LYPLAL1: variants seen among roughly 807,000 people sequenced by gnomAD.
LYPLAL1 encodes the protein lysophospholipase-like protein 1.
A neutral mutation model predicts 19.7 loss-of-function variants in LYPLAL1; 23 were observed. The observed-to-expected ratio is 1.17, with a 90% CI of 0.84 to 1.65. The LOEUF (loss-of-function observed/expected upper bound fraction) is 1.65. Ranked by LOEUF, LYPLAL1 falls within the 40% of genes most tolerant of loss-of-function variation. The probability of loss-of-function intolerance (pLI) is 0.00; values close to 1 mark genes in which losing one functional copy is unlikely to be tolerated. For synonymous variants in LYPLAL1, 119 were observed against 96.3 expected (o/e 1.24, Z -1.38); for missense variants, 355 against 279.4 (o/e 1.27, Z -1.93).
the LYPLAL1 span, among the ~76,000 whole-genome samples, chr1:219,402,710 A>C: frequency 2.6e-5 from 4 of 152,092 alleles, no homozygotes; most frequent in Non-Finnish European, 4.4e-5. Flanking sequence ...TCATTTGGTA[A>C]GATTAAGAAG....
the LYPLAL1 span, among the ~76,000 whole-genome samples, chr1:219,252,693 T>G: frequency 3.1e-4 from 47 of 152,106 alleles, no homozygotes; most frequent in Non-Finnish European, 5.6e-4. Context: ...ACAATAATTT[T>G]GTTGAGGATT....
intron 3 of LYPLAL1, among the ~76,000 whole-genome samples, chr1:219,202,616 A>G (rs988785664): frequency 1.2e-4 from 18 of 152,236 alleles, no homozygotes; most frequent in Admixed American, 1.2e-3. Flanking sequence ...AATAAAAGAA[A>G]AATGCATTTG....
chr1:219,276,335 G>A, the LYPLAL1 span, among the ~76,000 whole-genome samples: 2 of 151,690 alleles, frequency 1.3e-5, no homozygotes, highest in Non-Finnish European at 2.9e-5. Flanking sequence ...CCTCAAGGCA[G>A]CAGCGGTACA....
At chr1:219,267,673 A>G in the LYPLAL1 span, among the ~76,000 whole-genome samples, 1 of 152,162 alleles carries the variant, frequency 6.6e-6, no homozygotes, top group East Asian at 1.9e-4. Context: ...ATTTGTTCCC[A>G]TTTTACAGAT....
At chr1:219,248,396 A>G in the LYPLAL1 span, among the ~76,000 whole-genome samples, 1 of 152,166 alleles carries the variant, frequency 6.6e-6, no homozygotes, top group Non-Finnish European at 1.5e-5. Flanking sequence ...ATAGAGCTTC[A>G]GGTTTAGATG....
At chr1:219,280,152 T>C in the LYPLAL1 span, among the ~76,000 whole-genome samples, 50 of 152,310 alleles carry the variant, frequency 3.3e-4, no homozygotes, top group African/African-American at 1.1e-3. Flanking sequence ...TCTACTGCAA[T>C]ATGAAGTATG....
the LYPLAL1 span, among the ~76,000 whole-genome samples, chr1:219,365,886 C>A: frequency 6.6e-6 from 1 of 152,040 alleles, no homozygotes; most frequent in South Asian, 2.1e-4. Flanking sequence ...AAACTTTCAG[C>A]CAACATGACT....
the LYPLAL1 span, among the ~76,000 whole-genome samples, chr1:219,376,823 A>ACATACAACAAAT: frequency 2.6e-5 from 4 of 152,184 alleles, no homozygotes; most frequent in African/African-American, 9.6e-5. Flanking sequence ...CAACAACAAA[A>ACATACAACAAAT]CATACAACAA....
At chr1:219,190,489 TAAAAG>T (rs931377215) in intron 2 of LYPLAL1, among the ~76,000 whole-genome samples, 6 of 151,376 alleles carry the variant, frequency 4.0e-5, no homozygotes, top group South Asian at 2.1e-4. Context: ...ACAAAAGTCT[TAAAAG>T]AAAATCTGGG....
chr1:219,174,610 A>G (rs1310272349), intron 1 of LYPLAL1, among the ~76,000 whole-genome samples: 2 of 152,106 alleles, frequency 1.3e-5, no homozygotes, highest in East Asian at 3.9e-4. Flanking sequence ...GGCATCTTCC[A>G]CTACCTGCCC....
chr1:219,250,986 A>G, the LYPLAL1 span, among the ~76,000 whole-genome samples: 1 of 152,072 alleles, frequency 6.6e-6, no homozygotes, highest in East Asian at 1.9e-4. Flanking sequence ...TGGCTTTCCA[A>G]TAATAGCCAT....
chr1:219,386,483 G>T, the LYPLAL1 span, among the ~76,000 whole-genome samples: 2 of 152,140 alleles, frequency 1.3e-5, no homozygotes, highest in Admixed American at 1.3e-4. Context: ...AGTTCTCCCA[G>T]TGGCTCTCTT....
the LYPLAL1 span, among the ~76,000 whole-genome samples, chr1:219,395,314 A>G: frequency 6.6e-6 from 1 of 152,168 alleles, no homozygotes; most frequent in Non-Finnish European, 1.5e-5. Context: ...TCAAATAGCC[A>G]TTCTGACTGG....
At chr1:219,315,253 A>G in the LYPLAL1 span, among the ~76,000 whole-genome samples, 6 of 152,228 alleles carry the variant, frequency 3.9e-5, no homozygotes, top group Non-Finnish European at 7.3e-5. Flanking sequence ...ACAAGAAATT[A>G]ATGTAACATC....
At chr1:219,376,994 G>T in the LYPLAL1 span, among the ~76,000 whole-genome samples, 1 of 152,160 alleles carries the variant, frequency 6.6e-6, no homozygotes, top group South Asian at 2.1e-4. Flanking sequence ...ATACCCCAAA[G>T]AATTGAAGGC....
chr1:219,193,132 T>C lies in LYPLAL1; in HGVS notation c.242T>C (p.Phe81Ser). 1 of 1,610,234 alleles carries C rather than the reference T, an allele frequency of 6.2e-7. No individual in the cohort carries two copies. The highest frequency in any genetic ancestry group is 1.1e-5 in the South Asian group (1 of 90,934). The part of the protein sequence containing the change: ...GGISNVWFDR[F>S]KITNDCPEHL... ...ATCTCCAATGTATGGTTTGACAGAT[T>C]TAAAATAACCAATGACTGCCCAGAA... Residue 81 changes from phenylalanine (F) to serine (S), a missense_variant, in exon 3 of 5, where the codon TTT becomes TCT. By Grantham distance (155) the Phe-to-Ser change is radical. Coordinates refer to ENST00000366928, the MANE Select transcript of LYPLAL1 (RefSeq NM_138794.5).
the LYPLAL1 span, among the ~76,000 whole-genome samples, chr1:219,416,382 A>G: frequency 3.9e-5 from 6 of 152,198 alleles, no homozygotes; most frequent in African/African-American, 1.4e-4. Context: ...TGTTTTTCTC[A>G]TGATTTTGGT....
chr1:219,387,559 G>A, the LYPLAL1 span, among the ~76,000 whole-genome samples: 1 of 152,170 alleles, frequency 6.6e-6, no homozygotes, highest in African/African-American at 2.4e-5. Context: ...ATCCCATGTG[G>A]CAAGCTTCAG....
the LYPLAL1 span, among the ~76,000 whole-genome samples, chr1:219,262,711 A>G: frequency 6.6e-6 from 1 of 152,168 alleles, no homozygotes; most frequent in Non-Finnish European, 1.5e-5. Flanking sequence ...CCAGCTGTGG[A>G]TACCAGCACC....
Sources: gnomAD v4.1 joint callset for allele counts (sites outside exome capture counted in the v4.1 genomes callset) on GRCh38, gnomAD v4.1.1 for gene constraint, MANE v1.5 for transcripts, NCBI Gene and HGNC (gene_info 2026-07-23, HGNC 2026-07-21) for gene names.